FTO: variants seen among roughly 807,000 people sequenced by gnomAD.
FTO encodes the protein FTO alpha-ketoglutarate dependent dioxygenase.
FTO carries 47 observed loss-of-function variants against 63.9 expected under a neutral mutation model. The observed-to-expected ratio is 0.74, with a 90% CI of 0.58 to 0.94. The LOEUF (loss-of-function observed/expected upper bound fraction) is 0.94. FTO is among the 40% of genes least tolerant of loss of function. FTO has a pLI of 0.00. For missense variants in FTO, 562 were observed against 618.1 expected (o/e 0.91, Z 0.96); for synonymous variants, 207 against 224.4 (o/e 0.92, Z 0.69).
chr16:53,731,650 C>T (rs551419685), intron 1 of FTO, among the ~76,000 whole-genome samples: 1 of 152,188 alleles, frequency 6.6e-6, no homozygotes, highest in East Asian at 1.9e-4. Context: ...CTGCAACCTC[C>T]GCCTGCCGGG....
intron 1 of FTO, among the ~76,000 whole-genome samples, chr16:53,796,568 C>G (rs540573688): frequency 2.0e-4 from 31 of 152,078 alleles, no homozygotes; most frequent in Non-Finnish European, 4.4e-4. Context: ...TTACTAATAT[C>G]TAAGAAAATA....
intron 8 of FTO, among the ~76,000 whole-genome samples, chr16:54,014,415 C>CT (rs370649756): frequency 2.6e-5 from 4 of 151,916 alleles, no homozygotes; most frequent in African/African-American, 9.7e-5. Context: ...CTCTTGCTTC[C>CT]TTTCTCTCTC....
intron 4 of FTO, among the ~76,000 whole-genome samples, chr16:53,855,299 C>G (rs1385579553): frequency 6.6e-6 from 1 of 152,094 alleles, no homozygotes; most frequent in Non-Finnish European, 1.5e-5. Context: ...TGCCTGGTTG[C>G]TCTGGCTGGG....
chr16:54,112,404 A>T lies in FTO; in HGVS notation c.*489A>T, dbSNP rs1599386332. On this transcript the variant is annotated 3_prime_UTR_variant, in exon 9 of 9. Coordinates refer to ENST00000471389, the MANE Select transcript of FTO (RefSeq NM_001080432.3). ...TTTAAATTCAGTTTTAATTTTAATT[A>T]AAAATGCAGCTCTTCAGTCGCCCTG... The T allele has an allele frequency of 1.1e-5, 2 of 186,394 alleles. No homozygotes were observed. The highest frequency in any genetic ancestry group is 2.7e-4 in the East Asian group (2 of 7,306). The allele number at this position is 186,394 out of a possible 1,614,324, so 11.5% of individuals were successfully genotyped here.
intron 8 of FTO, among the ~76,000 whole-genome samples, chr16:53,943,393 GT>G (rs1186784276): frequency 4.6e-5 from 7 of 152,330 alleles, no homozygotes; most frequent in African/African-American, 1.7e-4. Flanking sequence ...CATGAACTCT[GT>G]TTCTGGCAGG....
intron 1 of FTO, among the ~76,000 whole-genome samples, chr16:53,749,538 A>G (rs2076732562): frequency 6.6e-6 from 1 of 150,984 alleles, no homozygotes; most frequent in African/African-American, 2.4e-5. Flanking sequence ...TCCCGGGTTC[A>G]TGCCATTCTC....
At chr16:53,863,040 C>T (rs1167861529) in intron 4 of FTO, among the ~76,000 whole-genome samples, 1 of 152,094 alleles carries the variant, frequency 6.6e-6, no homozygotes, top group Non-Finnish European at 1.5e-5. Flanking sequence ...CATCTATTGC[C>T]GTGTTAAATG....
intron 1 of FTO, among the ~76,000 whole-genome samples, chr16:53,722,566 C>T (rs983985030): frequency 5.3e-5 from 8 of 151,074 alleles, no homozygotes; most frequent in Non-Finnish European, 1.0e-4. Context: ...TGGTGACTCA[C>T]GCCTGTAGTC....
intron 7 of FTO, 83 bp from the exon 8 acceptor site, chr16:53,933,902 T>C: frequency 5.8e-6 from 8 of 1,375,962 alleles, no homozygotes; most frequent in Non-Finnish European, 8.0e-6. Flanking sequence ...AGCCATTGAT[T>C]TACTGTCCTT....
intron 7 of FTO, among the ~76,000 whole-genome samples, chr16:53,899,023 T>C (rs1433578576): frequency 6.6e-6 from 1 of 152,146 alleles, no homozygotes; most frequent in Non-Finnish European, 1.5e-5. Flanking sequence ...TTACCTCTTA[T>C]TACCTGCTTC....
In FTO at chr16:53,745,956, G is replaced by A. The variant is rs185110118; in HGVS notation, c.45+41727G>A. ...ACGTGGATTTATTTATGCTTGGGTG[G>A]TTATATACTTATACCTTAGCAATCA... On this transcript the variant is annotated intron_variant, in intron 1 of 8. Coordinates refer to ENST00000471389, the MANE Select transcript of FTO (RefSeq NM_001080432.3). 8.6e-3 allele frequency among the ~76,000 whole-genome samples: 1,144 copies of A among 132,950 alleles called. 14 individuals carry two copies. Among genetic ancestry groups the A allele is most frequent in the East Asian group, 0.048 (202 of 4,226 alleles). The allele number at this position is 132,950 out of a possible 152,430, so 87.2% of individuals were successfully genotyped here.
At chr16:54,098,287 T>C (rs1291584176) in intron 8 of FTO, among the ~76,000 whole-genome samples, 5 of 152,240 alleles carry the variant, frequency 3.3e-5, no homozygotes, top group Non-Finnish European at 7.3e-5. Flanking sequence ...CTGAGTTCCC[T>C]ACCCTAAGTG....
chr16:53,763,871 C>G (rs1487224093), intron 1 of FTO, among the ~76,000 whole-genome samples: 1 of 152,108 alleles, frequency 6.6e-6, no homozygotes, highest in African/African-American at 2.4e-5. Flanking sequence ...CCAGTTGAAA[C>G]AGCAGGGGCA....
chr16:53,961,597 A>G lies in FTO; in HGVS notation c.1364+27488A>G, dbSNP rs560672400. ...CTTCTGTTGAAGCCTGGGAAGACAG[A>G]TGTAGCTAGCCAGATGCACTGGCTT... On this transcript the variant is annotated intron_variant, in intron 8 of 8. Transcript: ENST00000471389. Among the ~76,000 whole-genome samples the G allele has an allele frequency of 4.6e-4, 70 of 152,346 alleles. No homozygotes were observed. In the South Asian group the frequency reaches 0.014, roughly 30 times the overall value.
chr16:54,059,307 C>T (rs955716690), intron 8 of FTO, among the ~76,000 whole-genome samples: 6 of 152,174 alleles, frequency 3.9e-5, no homozygotes, highest in Non-Finnish European at 8.8e-5. Context: ...AATTTCAACT[C>T]ATATCAGGTT....
intron 6 of FTO, among the ~76,000 whole-genome samples, chr16:53,880,878 C>T (rs1027429932): frequency 7.5e-6 from 1 of 134,082 alleles, no homozygotes; most frequent in African/African-American, 2.8e-5. Flanking sequence ...CTGAGGCAGG[C>T]GGATCACGAT....
intron 8 of FTO, among the ~76,000 whole-genome samples, chr16:53,968,968 C>T (rs1218952156): frequency 6.6e-6 from 1 of 152,190 alleles, no homozygotes; most frequent in Non-Finnish European, 1.5e-5. Context: ...ACGATATTCA[C>T]AACTACACTA....
intron 3 of FTO, among the ~76,000 whole-genome samples, chr16:53,840,248 C>T (rs1317998065): frequency 6.6e-6 from 1 of 151,826 alleles, no homozygotes; most frequent in African/African-American, 2.4e-5. Context: ...ATTAGTGCCC[C>T]CCTAGAATGA....
At chr16:54,049,893 C>A (rs1321641996) in intron 8 of FTO, among the ~76,000 whole-genome samples, 2 of 152,162 alleles carry the variant, frequency 1.3e-5, no homozygotes, top group African/African-American at 4.8e-5. Flanking sequence ...TGGCTCTCAG[C>A]GTCAAAGCAT....
Sources: allele counts gnomAD v4.1 joint callset (sites outside exome capture counted in the v4.1 genomes callset), GRCh38; gene constraint gnomAD v4.1.1; transcripts MANE v1.5; gene names NCBI Gene and HGNC (gene_info 2026-07-23, HGNC 2026-07-21).